The following HPR variants were observed in gnomAD, a reference collection of about 807,000 sequenced individuals.
HPR encodes the protein Haptoglobin-related locus.
In HPR, 17 loss-of-function variants were observed where a neutral mutation model predicts 18.5. The observed-to-expected ratio is 0.92, with a 90% CI of 0.63 to 1.38. The LOEUF is 1.38. HPR is among the 40% of genes most tolerant of loss of function. The probability of loss-of-function intolerance (pLI) is 0.00; values close to 1 mark genes in which losing one functional copy is unlikely to be tolerated. For missense variants in HPR, 457 were observed against 432.4 expected (o/e 1.06, Z -0.51); for synonymous variants, 176 against 165.0 (o/e 1.07, Z -0.51).
Position 72,074,363 on chromosome 16 carries a change from C to A in HPR, c.171C>A (p.Tyr57Ter), listed in dbSNP as rs1318209409. Reference protein sequence around the residue: ...HLFRYQCKNYYRLRTEGDGVY... With the variant: ...HLFRYQCKNY Reference sequence around the variant, plus strand: ...TTCGCTACCAGTGTAAGAACTACTACAGACTGCGCACAGAAGGAGATGGTA... The same window carrying A: ...TTCGCTACCAGTGTAAGAACTACTAAAGACTGCGCACAGAAGGAGATGGTA... Residue 57 changes from tyrosine (Y) to a stop codon, truncating the protein, a stop_gained, in exon 3 of 5, where the codon TAC (tyrosine) becomes TAA (stop). Transcript: ENST00000540303. LOFTEE classifies it high-confidence loss of function. 7.4e-6 allele frequency: 12 copies of A among 1,613,302 alleles called. No homozygotes were observed. The highest frequency in any genetic ancestry group is 8.5e-7 in the Non-Finnish European group (1 of 1,179,286).
chr16:72,074,227 T>C, intron 2 of HPR, 57 bp from the exon 3 acceptor site: 14 of 1,512,616 alleles, frequency 9.3e-6, no homozygotes, highest in East Asian at 2.3e-5. Flanking sequence ...TGACTTTTCA[T>C]GGGTCTCTGG....
intron 4 of HPR, among the ~76,000 whole-genome samples, 169 bp from the exon 5 acceptor site, chr16:72,076,134 T>A (rs2041719824): frequency 6.6e-6 from 1 of 152,190 alleles, no homozygotes; most frequent in African/African-American, 2.4e-5. Flanking sequence ...ATTAAAAAAA[T>A]TATTTTAAAA....
chr16:72,076,502 G>C lies in HPR; in HGVS notation c.468G>C (p.Ala156=), dbSNP rs747522776. The C allele has an allele frequency of 4.3e-6, 7 of 1,613,998 alleles. No homozygotes were observed. In the Admixed American group the frequency reaches 1.0e-4, roughly 23 times the overall value. ...LFLNHSENAT[A]KDIAPTLTLY... Reference sequence around the variant, plus strand: ...TGAACCATTCAGAAAATGCAACAGCGAAAGACATTGCCCCTACTTTAACAC... The same window carrying C: ...TGAACCATTCAGAAAATGCAACAGCCAAAGACATTGCCCCTACTTTAACAC... The change falls in exon 5 of 5, where the codon GCG becomes GCC. Residue 156 remains alanine, a synonymous_variant. Transcript: ENST00000540303.
chr16:72,075,131 G>A lies in HPR; in HGVS notation c.194-14G>A. ...TGACTTTTCCTTTGGCTCATTTCTTGCCTTTTGTTTCAGGAGTATACACCT... is the reference window on the plus strand; with the variant it reads ...TGACTTTTCCTTTGGCTCATTTCTTACCTTTTGTTTCAGGAGTATACACCT... On this transcript the variant is annotated splice_polypyrimidine_tract_variant and intron_variant, in intron 3 of 4. Transcript: ENST00000540303. 1 of 989,912 alleles carries A rather than the reference G, an allele frequency of 1.0e-6. No individual in the cohort carries two copies. The highest frequency in any genetic ancestry group is 1.4e-5 in the South Asian group (1 of 72,630). The allele number at this position is 989,912 out of a possible 1,614,324, so 61.3% of individuals were successfully genotyped here.
At chr16:72,070,045 T>A (rs2041638718) in intron 1 of HPR, among the ~76,000 whole-genome samples, 2 of 152,140 alleles carry the variant, frequency 1.3e-5, no homozygotes, top group African/African-American at 2.4e-5. Flanking sequence ...AAAAACCATA[T>A]CCCTTGGCAT....
At chr16:72,068,602 G>A (rs1366724254) in intron 1 of HPR, among the ~76,000 whole-genome samples, 1 of 152,152 alleles carries the variant, frequency 6.6e-6, no homozygotes, top group East Asian at 1.9e-4. Flanking sequence ...CGTGAAAAAT[G>A]GGGTGGCTTT....
At chr16:72,066,671 C>T (rs1406838502) in intron 1 of HPR, among the ~76,000 whole-genome samples, 4 of 152,038 alleles carry the variant, frequency 2.6e-5, no homozygotes, top group Admixed American at 2.6e-4. Context: ...TTAGAAGATC[C>T]CCTTGGGCAA....
intron 1 of HPR, among the ~76,000 whole-genome samples, chr16:72,064,424 A>G (rs2041575923): frequency 6.6e-6 from 1 of 152,044 alleles, no homozygotes. Flanking sequence ...TACAGCCCAC[A>G]TTCCACATCT....
In HPR at chr16:72,063,312, T is replaced by G. The variant is rs745451014; in HGVS notation, c.5+52T>G. 1.5e-5 allele frequency: 23 copies of G among 1,488,558 alleles called. 2 individuals are homozygous for G. The highest frequency in any genetic ancestry group is 2.1e-5 in the Non-Finnish European group (23 of 1,086,036). 92.2% of individuals were successfully genotyped at this position (1,488,558 alleles called of 1,614,324 possible). On this transcript the variant is annotated intron_variant, in intron 1 of 4. Coordinates refer to ENST00000540303, the MANE Select transcript of HPR (RefSeq NM_020995.4). ...TTTCCTCTGGTTCTTTATTTCAGTC[T>G]TTTTTGCATACATTGGTACAGATGC...
chr16:72,066,834 G>A (rs1164258921), intron 1 of HPR, among the ~76,000 whole-genome samples: 1 of 152,154 alleles, frequency 6.6e-6, no homozygotes, highest in Non-Finnish European at 1.5e-5. Flanking sequence ...AACAAAAACA[G>A]AAGTCAAAAC....
chr16:72,075,260 G>C, intron 4 of HPR, 41 bp downstream of exon 4: 2 of 1,131,912 alleles, frequency 1.8e-6, no homozygotes, highest in Non-Finnish European at 2.6e-6. Flanking sequence ...GCAGGCAGGC[G>C]TCCAGCGGGG....
chr16:72,074,777 G>A, intron 3 of HPR: 1 of 676,686 alleles, frequency 1.5e-6, no homozygotes. Flanking sequence ...GTTTCCCACT[G>A]AATAGAGGTT....
intron 1 of HPR, among the ~76,000 whole-genome samples, chr16:72,071,878 G>A (rs2041659835): frequency 6.6e-6 from 1 of 152,186 alleles, no homozygotes; most frequent in Non-Finnish European, 1.5e-5. Flanking sequence ...GATTCCACTG[G>A]AGTCCAACGA....
At position 72,073,882 on chromosome 16, in the gene HPR, C is replaced by T. The variant is rs1485793109; in HGVS notation, c.6-10C>T. 6 of 1,613,928 alleles carry T rather than the reference C, an allele frequency of 3.7e-6. 1 individual carries two copies. In the South Asian group the frequency reaches 6.6e-5, roughly 18 times the overall value. The stretch of plus-strand genomic sequence containing the variant: ...CCAGCTTTCCGCTCCTTCTTGTTTT[C>T]TCTCTGCAGTGACCTGGGAGCTGTC... On this transcript the variant is annotated splice_polypyrimidine_tract_variant and intron_variant, in intron 1 of 4. Coordinates refer to ENST00000540303, the MANE Select transcript of HPR (RefSeq NM_020995.4).
In HPR at chr16:72,074,784, G is replaced by A. The variant is rs1298098671; in HGVS notation, c.194-361G>A. The A allele has an allele frequency of 1.8e-4, 118 of 668,626 alleles. 1 individual carries two copies. The highest frequency in any genetic ancestry group is 4.6e-4 in the South Asian group (28 of 60,224). The allele number at this position is 668,626 out of a possible 1,614,324, so 41.4% of individuals were successfully genotyped here. On this transcript the variant is annotated intron_variant, in intron 3 of 4. Coordinates refer to ENST00000540303, the MANE Select transcript of HPR (RefSeq NM_020995.4). ...TCCTTACAGTTTCCCACTGAATAGA[G>A]GTTATTATTCTCACTTTGCTGATAA...
rs1389943580 is a variant in HPR at position 72,076,828 on chromosome 16, C to T, written c.794C>T (p.Ala265Val). 1.2e-6 allele frequency: 2 copies of T among 1,614,224 alleles called. No individual in the cohort carries two copies. Among genetic ancestry groups the T allele is most frequent in the East Asian group, 2.2e-5 (1 of 44,884 alleles). The stretch of plus-strand genomic sequence containing the variant: ...GGCAGCACATGCCCCAAATGGAAGG[C>T]ACCGAAGAGCCCTGTAGGGGTGCAG... ...YEGSTCPKWKAPKSPVGVQPI... is the reference protein window; with the variant it reads ...YEGSTCPKWKVPKSPVGVQPI... The change falls in exon 5 of 5, where the codon GCA (alanine) becomes GTA (valine). Residue 265 changes from alanine (A) to valine (V), a missense_variant. By Grantham distance (64) the Ala-to-Val change is moderately conservative (BLOSUM62 0). Transcript: ENST00000540303.
intron 1 of HPR, among the ~76,000 whole-genome samples, chr16:72,064,116 C>T (rs1567587053): frequency 1.3e-5 from 2 of 152,112 alleles, no homozygotes; most frequent in Non-Finnish European, 1.5e-5. Flanking sequence ...TGGCAGATGG[C>T]GCCTGTGTGT....
intron 3 of HPR, chr16:72,074,815 C>G: frequency 1.5e-6 from 1 of 650,500 alleles, no homozygotes; most frequent in South Asian, 1.8e-5. Flanking sequence ...GATAAGGAAA[C>G]AGAGGCACCG....
chr16:72,071,091 C>A (rs2041650567), intron 1 of HPR, among the ~76,000 whole-genome samples: 1 of 152,034 alleles, frequency 6.6e-6, no homozygotes, highest in South Asian at 2.1e-4. Flanking sequence ...AAATCTTCAA[C>A]CACTGGTTAA....
Sources: gnomAD v4.1 joint callset for allele counts (sites outside exome capture counted in the v4.1 genomes callset) on GRCh38, gnomAD v4.1.1 for gene constraint, MANE v1.5 for transcripts, NCBI Gene and HGNC (gene_info 2026-07-23, HGNC 2026-07-21) for gene names.